PTPN4: variants seen among roughly 807,000 people sequenced by gnomAD.
PTPN4 encodes the protein tyrosine-protein phosphatase non-receptor type 4.
PTPN4 carries 49 observed loss-of-function variants against 135.5 expected under a neutral mutation model. The observed-to-expected ratio is 0.36, with a 90% CI of 0.29 to 0.46. The LOEUF is 0.46. Ranked by LOEUF, PTPN4 falls within the 20% of genes least tolerant of loss-of-function variation. The pLI is 1.00. For missense variants in PTPN4, 860 were observed against 1,101.0 expected (o/e 0.78, Z 3.10); for synonymous variants, 333 against 369.9 (o/e 0.90, Z 1.14).
intron 10 of PTPN4, among the ~76,000 whole-genome samples, chr2:119,914,242 T>TA (rs1218043261): frequency 1.4e-5 from 2 of 146,724 alleles, no homozygotes; most frequent in Non-Finnish European, 3.0e-5. Flanking sequence ...AGTCAATAGT[T>TA]ACTCAATTTT....
chr2:119,983,856 T>A lies in PTPN4; in HGVS notation c.*6786T>A, dbSNP rs536531430. 2 of 152,312 alleles carry A rather than the reference T, an allele frequency of 1.3e-5. No individual in the cohort carries two copies. The highest frequency in any genetic ancestry group is 3.9e-4 in the East Asian group (2 of 5,186). 9.4% of individuals were successfully genotyped at this position (152,312 alleles called of 1,614,324 possible). ...ACAGCTAGTTTCATCTAAGCTTGGT[T>A]TATTATCATTTCTGCTTTGGATTTT... On this transcript the variant is annotated 3_prime_UTR_variant, in exon 27 of 27. Transcript: ENST00000263708.
chr2:119,824,152 C>T lies in PTPN4; in HGVS notation c.138+14161C>T, dbSNP rs182475961. Reference sequence around the variant, plus strand: ...GATTTCTATTTCAATTCTGTTATGGCTAGAGAACATACTTTGTATGATTTC... The same window carrying T: ...GATTTCTATTTCAATTCTGTTATGGTTAGAGAACATACTTTGTATGATTTC... On this transcript the variant is annotated intron_variant, in intron 2 of 26. Transcript: ENST00000263708. 3.2e-3 allele frequency among the ~76,000 whole-genome samples: 493 copies of T among 152,128 alleles called. 2 individuals are homozygous for T. The highest frequency in any genetic ancestry group is 0.011 in the African/African-American group (466 of 41,502).
At chr2:119,834,269 C>T (rs1320157379) in intron 2 of PTPN4, among the ~76,000 whole-genome samples, 3 of 152,070 alleles carry the variant, frequency 2.0e-5, no homozygotes, top group African/African-American at 7.2e-5. Flanking sequence ...AGTATTTCTT[C>T]CATCAGACAA....
At chr2:119,900,937 C>T in intron 10 of PTPN4, 131 bp downstream of exon 10, 2 of 495,638 alleles carry the variant, frequency 4.0e-6, no homozygotes, top group Non-Finnish European at 3.4e-6. Context: ...TATACTTTAT[C>T]CCACTTAGTT....
intron 10 of PTPN4, among the ~76,000 whole-genome samples, chr2:119,906,682 A>C (rs1240081688): frequency 6.6e-6 from 1 of 152,238 alleles, no homozygotes; most frequent in Non-Finnish European, 1.5e-5. Context: ...AATCAAGGCC[A>C]TAAGTGACAG....
At chr2:119,918,732 A>T (rs1035906607) in intron 11 of PTPN4, among the ~76,000 whole-genome samples, 7 of 152,246 alleles carry the variant, frequency 4.6e-5, no homozygotes, top group African/African-American at 1.7e-4. Flanking sequence ...TGTGTACAAC[A>T]TATGACCCAA....
chr2:119,787,599 A>C (rs1386392547), intron 1 of PTPN4, among the ~76,000 whole-genome samples: 1 of 152,204 alleles, frequency 6.6e-6, no homozygotes, highest in East Asian at 1.9e-4. Context: ...AGTACCTGGA[A>C]CAGAGTGGAT....
intron 1 of PTPN4, among the ~76,000 whole-genome samples, chr2:119,767,743 A>C (rs1055351882): frequency 3.3e-5 from 5 of 152,210 alleles, no homozygotes; most frequent in Admixed American, 1.3e-4. Context: ...GACCGAGTGC[A>C]TTGTTGGCAG....
At chr2:119,879,334 A>G (rs1312470051) in intron 5 of PTPN4, among the ~76,000 whole-genome samples, 1 of 152,246 alleles carries the variant, frequency 6.6e-6, no homozygotes, top group African/African-American at 2.4e-5. Flanking sequence ...CCTGAAGCAG[A>G]AGAAAGTAAA....
intron 2 of PTPN4, among the ~76,000 whole-genome samples, chr2:119,812,418 C>G (rs1009324890): frequency 2.0e-5 from 3 of 152,132 alleles, no homozygotes; most frequent in African/African-American, 7.2e-5. Context: ...GATTTTTGCA[C>G]CACAGGTAAA....
At chr2:119,922,546 G>A (rs1678752963) in intron 12 of PTPN4, among the ~76,000 whole-genome samples, 1 of 152,152 alleles carries the variant, frequency 6.6e-6, no homozygotes, top group Non-Finnish European at 1.5e-5. Flanking sequence ...ACTTAGCCAT[G>A]ATATCCTTTA....
chr2:119,827,081 T>G (rs749005794), intron 2 of PTPN4, among the ~76,000 whole-genome samples: 2 of 152,172 alleles, frequency 1.3e-5, no homozygotes, highest in Non-Finnish European at 2.9e-5. Context: ...GCGTTTCTTC[T>G]TCAGAAAGTT....
intron 22 of PTPN4, among the ~76,000 whole-genome samples, chr2:119,959,731 A>C (rs1679337743): frequency 6.6e-6 from 1 of 152,206 alleles, no homozygotes; most frequent in South Asian, 2.1e-4. Flanking sequence ...ATATCTGAAT[A>C]GTTAACAGCA....
chr2:119,877,702 T>C (rs1678006039), intron 5 of PTPN4, among the ~76,000 whole-genome samples, 160 bp downstream of exon 5: 3 of 152,194 alleles, frequency 2.0e-5, no homozygotes, highest in African/African-American at 7.2e-5. Context: ...TTTTCCTCCT[T>C]TTTTGGATGG....
Position 119,920,065 on chromosome 2 carries a change from A to C in PTPN4, c.829-4A>C. On this transcript the variant is annotated splice_polypyrimidine_tract_variant and splice_region_variant and intron_variant, in intron 11 of 26. Transcript: ENST00000263708. Reference sequence around the variant, plus strand: ...TATTCTCTGCATTTTGTCATTTATTACAGCATGAATCTAGAGAAACATTAT... The same window carrying C: ...TATTCTCTGCATTTTGTCATTTATTCCAGCATGAATCTAGAGAAACATTAT... 6.3e-7 allele frequency: 1 copy of C among 1,598,982 alleles called. No individual in the cohort carries two copies. The highest frequency in any genetic ancestry group is 8.5e-7 in the Non-Finnish European group (1 of 1,173,906).
In PTPN4 at chr2:119,881,843, A is replaced by T. The variant is rs758114378; in HGVS notation, c.413+13A>T. The T allele has an allele frequency of 1.3e-6, 2 of 1,527,754 alleles. No homozygotes were observed. Among genetic ancestry groups the T allele is most frequent in the Non-Finnish European group, 1.8e-6 (2 of 1,117,216 alleles). 94.6% of individuals were successfully genotyped at this position (1,527,754 alleles called of 1,614,324 possible). A position where few individuals can be genotyped will look rare whatever the true frequency, so the allele number is the denominator to read the frequency against. On this transcript the variant is annotated intron_variant, in intron 6 of 26. Coordinates refer to ENST00000263708, the MANE Select transcript of PTPN4 (RefSeq NM_002830.4). ...TTCTTACTGGAAGGTGGGCTCTTTA[A>T]ATTTCTTAAAAAATTTTTTGTAATG...
intron 1 of PTPN4, among the ~76,000 whole-genome samples, chr2:119,791,834 A>G (rs1023237838): frequency 5.3e-5 from 8 of 150,960 alleles, no homozygotes; most frequent in African/African-American, 2.0e-4. Context: ...TTCTAAGTCA[A>G]ATTTGAGGAG....
rs549011235 is a variant in PTPN4 at position 119,922,575 on chromosome 2, C to T, written c.1001+2334C>T. On this transcript the variant is annotated intron_variant, in intron 12 of 26. Transcript: ENST00000263708. Reference sequence around the variant, plus strand: ...TCCTTTATATATATTGTTTGATTCACTTTGCTAAATTTTGTTTAGGATTTT... The same window carrying T: ...TCCTTTATATATATTGTTTGATTCATTTTGCTAAATTTTGTTTAGGATTTT... Among the ~76,000 whole-genome samples, 6 of 152,230 alleles carry T rather than the reference C, an allele frequency of 3.9e-5. No homozygotes were observed. The South Asian group carries it at 1.0e-3, about 26-fold the overall frequency.
intron 26 of PTPN4, among the ~76,000 whole-genome samples, chr2:119,969,007 G>T (rs986406511): frequency 2.0e-5 from 3 of 152,068 alleles, no homozygotes; most frequent in Non-Finnish European, 4.4e-5. Flanking sequence ...ATGTGATCCA[G>T]TAAGTGCCTA....
Sources: allele counts gnomAD v4.1 joint callset (sites outside exome capture counted in the v4.1 genomes callset), GRCh38; gene constraint gnomAD v4.1.1; transcripts MANE v1.5; gene names NCBI Gene and HGNC (gene_info 2026-07-23, HGNC 2026-07-21).